The following FAM177B variants were observed in gnomAD, a reference collection of about 807,000 sequenced individuals.
FAM177B encodes family with sequence similarity 177 member B, also known as protein FAM177B.
Under a neutral mutation model 16.1 loss-of-function variants are expected in FAM177B, and 16 were observed. The observed-to-expected ratio is 0.99, with a 90% confidence interval of 0.67 to 1.51. The LOEUF (loss-of-function observed/expected upper bound fraction) is 1.51, where lower values mean the gene tolerates loss of function less well. Among genes scored for constraint, FAM177B ranks in the 40% most tolerant of loss-of-function variants. FAM177B has a pLI of 0.00. For synonymous variants in FAM177B, 56 were observed against 59.9 expected, an observed-to-expected ratio of 0.93 and a Z score of 0.30; for missense variants, 178 against 183.7, an observed-to-expected ratio of 0.97 and a Z score of 0.18.
chr1:222,748,363 T>C (rs965777585), intron 4 of FAM177B, among the ~76,000 whole-genome samples: 4 of 152,160 alleles, frequency 2.6e-5, no homozygotes, highest in African/African-American at 9.7e-5. Flanking sequence ...ATTGAGAGTA[T>C]GGAGAAGAAG....
intron 2 of FAM177B, among the ~76,000 whole-genome samples, chr1:222,738,564 C>A (rs867438219): frequency 7.9e-3 from 484 of 61,630 alleles, no homozygotes; most frequent in Middle Eastern, 0.032. Context: ...ACAAAAACTG[C>A]AAAAAAAAAA....
chr1:222,739,377 A>G (rs1264410331), intron 2 of FAM177B, among the ~76,000 whole-genome samples: 2 of 152,170 alleles, frequency 1.3e-5, no homozygotes, highest in Non-Finnish European at 2.9e-5. Context: ...TCTCTGTTTC[A>G]GTTTCAAAGT....
At position 222,750,469 on chromosome 1, in the gene FAM177B, G is replaced by C; in HGVS notation, c.*411G>C. 2 of 993,904 alleles carry C rather than the reference G, an allele frequency of 2.0e-6. No homozygotes were observed. Among genetic ancestry groups the C allele is most frequent in the Non-Finnish European group, 2.4e-6 (2 of 835,990 alleles). 61.6% of individuals were successfully genotyped at this position (993,904 alleles called of 1,614,324 possible). A position where few individuals can be genotyped will look rare whatever the true frequency, so the allele number is the denominator to read the frequency against. On this transcript the variant is annotated 3_prime_UTR_variant, in exon 6 of 6. Coordinates refer to ENST00000445590, the MANE Select transcript of FAM177B (RefSeq NM_001394345.1). ...TTCCTCAGAAGAAAATTTGGGCACC[G>C]CAAAGTCTAAATAAATCCCCTTTCA...
chr1:222,748,756 A>G (rs1658913417), intron 4 of FAM177B, among the ~76,000 whole-genome samples: 1 of 152,236 alleles, frequency 6.6e-6, no homozygotes, highest in Non-Finnish European at 1.5e-5. Context: ...AGACATATTT[A>G]AAAACAGCAT....
At chr1:222,746,929 A>T (rs1658825665) in intron 3 of FAM177B, 86 bp from the exon 4 acceptor site, 3 of 1,001,978 alleles carry the variant, frequency 3.0e-6, no homozygotes, top group Non-Finnish European at 4.8e-6. Context: ...TATTATATAG[A>T]GCATTTTGAA....
Position 222,746,605 on chromosome 1 carries a change from T to C in FAM177B, c.60T>C (p.Thr20=). 2 of 1,611,658 alleles carry C rather than the reference T, an allele frequency of 1.2e-6. No homozygotes were observed. The highest frequency in any genetic ancestry group is 1.7e-6 in the Non-Finnish European group (2 of 1,177,772). Reference sequence around the variant, plus strand: ...AGAAGAGTGTACCTTCCAAAAAGACTACTCCTAAAAGGATTATCCATTTTG... The same window carrying C: ...AGAAGAGTGTACCTTCCAAAAAGACCACTCCTAAAAGGATTATCCATTTTG... ...DLEKSVPSKK[T]TPKRIIHFVD... Residue 20 remains threonine, a synonymous_variant, in exon 3 of 6, where the codon ACT becomes ACC. Coordinates refer to ENST00000445590, the MANE Select transcript of FAM177B (RefSeq NM_001394345.1).
Position 222,741,794 on chromosome 1 carries a change from TTCTTTCTC to T in FAM177B, c.-16+3781_-16+3788del, listed in dbSNP as rs780013270. ...TCTTCCTTTCTTTCTTTTTCTTTCT[TTCTTTCTC>T]TCTTTCTTTCTTCTTTCTTTCTTTT... On this transcript the variant is annotated intron_variant, in intron 2 of 5. Transcript: ENST00000445590. 2.6e-3 allele frequency among the ~76,000 whole-genome samples: 385 copies of T among 146,500 alleles called. 2 individuals carry two copies. Among genetic ancestry groups the T allele is most frequent in the African/African-American group, 9.1e-3 (356 of 39,162 alleles).
chr1:222,746,218 T>C (rs1173602505), intron 2 of FAM177B, among the ~76,000 whole-genome samples: 2 of 152,242 alleles, frequency 1.3e-5, no homozygotes, highest in Non-Finnish European at 2.9e-5. Context: ...TCAATATTTA[T>C]TGAAATAATT....
chr1:222,749,616 C>A, intron 5 of FAM177B, 54 bp downstream of exon 5: 1 of 1,087,732 alleles, frequency 9.2e-7, no homozygotes, highest in South Asian at 1.4e-5. Flanking sequence ...ATTGGTTGCT[C>A]CAAATTTAGG....
At chr1:222,742,985 A>G (rs936744030) in intron 2 of FAM177B, among the ~76,000 whole-genome samples, 2 of 152,160 alleles carry the variant, frequency 1.3e-5, no homozygotes, top group African/African-American at 4.8e-5. Flanking sequence ...AAGCACACTA[A>G]TTTTAATGTT....
intron 2 of FAM177B, among the ~76,000 whole-genome samples, chr1:222,740,784 C>T (rs866697248): frequency 1.4e-4 from 22 of 152,240 alleles, no homozygotes; most frequent in African/African-American, 1.9e-4. Flanking sequence ...ACTGCAAGCT[C>T]GGCCTCCCGG....
At chr1:222,741,790 T>TTCTTTCTTTCTC (rs1445811354) in intron 2 of FAM177B, among the ~76,000 whole-genome samples, 2 of 146,910 alleles carry the variant, frequency 1.4e-5, no homozygotes, top group South Asian at 4.5e-4. Flanking sequence ...TTCTTTTTCT[T>TTCTTTCTTTCTC]TCTTTCTTTC....
rs763592282 is a variant in FAM177B, at chr1:222,746,515, G to A, written c.-15-16G>A. The A allele has an allele frequency of 3.4e-6, 5 of 1,484,040 alleles. No homozygotes were observed. The highest frequency in any genetic ancestry group is 3.6e-6 in the Non-Finnish European group (4 of 1,100,736). The allele number at this position is 1,484,040 out of a possible 1,614,324, so 91.9% of individuals were successfully genotyped here. ...TGGGTAACTTGCCCTAAGGTGCCCT[G>A]TTTTTAATTTTCTAGTTGTTTTGTT... is the stretch of plus-strand genomic sequence containing the variant. On this transcript the variant is annotated splice_polypyrimidine_tract_variant and intron_variant, in intron 2 of 5. Coordinates refer to ENST00000445590, the MANE Select transcript of FAM177B (RefSeq NM_001394345.1).
chr1:222,741,580 T>G lies in FAM177B; in HGVS notation c.-16+3559T>G, dbSNP rs529781232. 4.6e-5 allele frequency among the ~76,000 whole-genome samples: 7 copies of G among 151,344 alleles called. No homozygotes were observed. The East Asian group carries it at 1.4e-3, about 30-fold the overall frequency. ...ATCTTCTCTGTCGCCCAGGCTAGAG[T>G]GCAGTGGCACAATCGCTGCTCATTG... is the stretch of plus-strand genomic sequence containing the variant. On this transcript the variant is annotated intron_variant, in intron 2 of 5. Coordinates refer to ENST00000445590, the MANE Select transcript of FAM177B (RefSeq NM_001394345.1).
At chr1:222,747,573 T>C (rs1658860809) in intron 4 of FAM177B, 1 of 152,584 alleles carries the variant, frequency 6.6e-6, no homozygotes, top group African/African-American at 2.4e-5. Context: ...GCTAAGTGAA[T>C]ACTTATAACA....
At chr1:222,737,520 G>A (rs1026155029) in intron 1 of FAM177B, among the ~76,000 whole-genome samples, 198 bp downstream of exon 1, 1 of 152,118 alleles carries the variant, frequency 6.6e-6, no homozygotes, top group Admixed American at 6.5e-5. Flanking sequence ...GAGAGAGGGC[G>A]GACCTGTGTG....
Position 222,746,618 on chromosome 1 carries a change from A to G in FAM177B, c.73A>G (p.Ile25Val). Residue 25 changes from isoleucine (I) to valine (V), a missense_variant, in exon 3 of 6, where the codon ATT becomes GTT. Physicochemically the swap from Ile to Val is conservative, Grantham distance 29. Transcript: ENST00000445590. ...VPSKKTTPKR[I>V]IHFVDGDIME... ...TTCCAAAAAGACTACTCCTAAAAGG[A>G]TTATCCATTTTGTTGACGGAGACAT... is the stretch of plus-strand genomic sequence containing the variant. 6.2e-7 allele frequency: 1 copy of G among 1,612,296 alleles called. No homozygotes were observed. Among genetic ancestry groups the G allele is most frequent in the Non-Finnish European group, 8.5e-7 (1 of 1,178,308 alleles).
rs200760779 is a variant in FAM177B at position 222,746,698 on chromosome 1, C to T, written c.153C>T (p.Ser51=). 6.2e-7 allele frequency: 1 copy of T among 1,611,606 alleles called. No individual in the cohort carries two copies. Among genetic ancestry groups the T allele is most frequent in the Admixed American group, 1.7e-5 (1 of 59,780 alleles). The change falls in exon 3 of 6, where the codon AGC becomes AGT. Residue 51 remains serine (S), a synonymous_variant. Coordinates refer to ENST00000445590, the MANE Select transcript of FAM177B (RefSeq NM_001394345.1). ...EEEEEEKEEQ[S]TNSTLDPSKL... ...AGGAAGAGGAAAAGGAGGAGCAGAG[C>T]ACAAATTCAACACTTGACCCTGTAA...
intron 4 of FAM177B, 173 bp from the exon 5 acceptor site, chr1:222,749,292 C>A: frequency 1.8e-6 from 1 of 547,136 alleles, no homozygotes; most frequent in Non-Finnish European, 3.3e-6. Context: ...CCTTTGAATC[C>A]TAGAATTTTT....
Sources: allele counts gnomAD v4.1 joint callset (sites outside exome capture counted in the v4.1 genomes callset), GRCh38; gene constraint gnomAD v4.1.1; transcripts MANE v1.5; gene names NCBI Gene and HGNC (gene_info 2026-07-23, HGNC 2026-07-21).